Variants in ERICH1 observed in about 807,000 individuals in gnomAD.
ERICH1 encodes the protein glutamate rich 1, also known as glutamate-rich protein 1.
In ERICH1, 56 loss-of-function variants were observed where a neutral mutation model predicts 39.6. The ratio of observed to expected loss-of-function variants is 1.41; its 90% CI spans 1.14 to 1.77. The LOEUF is 1.77. Ranked by LOEUF, ERICH1 falls within the 40% of genes most tolerant of loss-of-function variation. The pLI is 0.00. For missense variants in ERICH1, 826 were observed against 575.4 expected, an observed-to-expected ratio of 1.44 and a Z score of -4.45; for synonymous variants, 313 against 223.6, an observed-to-expected ratio of 1.40 and a Z score of -3.57.
intron 3 of ERICH1, among the ~76,000 whole-genome samples, chr8:682,226 C>T (rs1160355753): frequency 1.3e-5 from 2 of 152,164 alleles, no homozygotes; most frequent in Non-Finnish European, 2.9e-5. Flanking sequence ...CACAACCTCC[C>T]AGCTTCTCAA....
chr8:642,379 C>G lies in ERICH1; in HGVS notation c.976+26219G>C, dbSNP rs540365458. 1.7e-4 allele frequency among the ~76,000 whole-genome samples: 20 copies of G among 120,680 alleles called. No homozygotes were observed. The East Asian group carries it at 5.2e-3, about 31-fold the overall frequency. The allele number at this position is 120,680 out of a possible 152,430, so 79.2% of individuals were successfully genotyped here. On this transcript the variant is annotated intron_variant, in intron 3 of 3. Transcript: ENST00000522706. ...TTTTTTTTTGAGACAGAGTCTCGCT[C>G]TGTCGCCCAGGCTGGAGTGCAGTGG...
intron 2 of ERICH1, among the ~76,000 whole-genome samples, chr8:698,277 G>C (rs1018766021): frequency 6.6e-6 from 1 of 150,630 alleles, no homozygotes; most frequent in African/African-American, 2.4e-5. Flanking sequence ...GGAGTGCAGC[G>C]GCTCGATCTC....
intron 1 of ERICH1, among the ~76,000 whole-genome samples, chr8:730,288 A>T (rs1819676091): frequency 6.6e-6 from 1 of 152,220 alleles, no homozygotes; most frequent in Non-Finnish European, 1.5e-5. Context: ...TTTTCTCCAC[A>T]TTCTGCCTCA....
Position 673,304 on chromosome 8 carries a change from T to C in ERICH1, c.1048A>G (p.Met350Val), listed in dbSNP as rs770444444. ...AAAAACATACCGTCATAAAAATACATTTCCTGTGTTGACTTCAAAAAATTT... is the reference window on the plus strand; with the variant it reads ...AAAAACATACCGTCATAAAAATACACTTCCTGTGTTGACTTCAAAAAATTT... ...ILNFLKSTQEMYFYDGVSRDA... is the reference protein window; with the variant it reads ...ILNFLKSTQEVYFYDGVSRDA... The change falls in exon 4 of 6, where the codon ATG becomes GTG. Residue 350 changes from methionine to valine, a missense_variant. Transcript: ENST00000262109. 1.9e-6 allele frequency: 3 copies of C among 1,604,110 alleles called. No homozygotes were observed. Among genetic ancestry groups the C allele is most frequent in the East Asian group, 2.2e-5 (1 of 44,648 alleles).
At chr8:672,814 T>C (rs1252350775) in intron 4 of ERICH1, among the ~76,000 whole-genome samples, 2 of 152,282 alleles carry the variant, frequency 1.3e-5, no homozygotes, top group African/African-American at 2.4e-5. Flanking sequence ...ATCCGTTCTA[T>C]GTGGAAGAGA....
chr8:700,055 G>T (rs892938861), intron 2 of ERICH1, among the ~76,000 whole-genome samples: 2 of 130,708 alleles, frequency 1.5e-5, no homozygotes, highest in African/African-American at 3.0e-5. Context: ...GCCCGCACAC[G>T]CGCACAGGCC....
At chr8:658,216 G>T (rs895956583) in intron 3 of ERICH1, among the ~76,000 whole-genome samples, 5 of 152,184 alleles carry the variant, frequency 3.3e-5, no homozygotes, top group Non-Finnish European at 7.4e-5. Context: ...GGAACAGGAG[G>T]GCCCAGCCTG....
chr8:624,130 G>A (rs1261702180), intron 3 of ERICH1, among the ~76,000 whole-genome samples: 4 of 152,184 alleles, frequency 2.6e-5, no homozygotes, highest in Admixed American at 1.3e-4. Context: ...TGGCCAATGA[G>A]CGCACGCAAA....
At chr8:724,142 T>C (rs1403567100) in intron 1 of ERICH1, among the ~76,000 whole-genome samples, 3 of 152,166 alleles carry the variant, frequency 2.0e-5, no homozygotes, top group African/African-American at 7.2e-5. Context: ...CGATCTGACA[T>C]GGGATCCTCA....
rs796463056 is a variant in ERICH1 at position 685,172 on chromosome 8, C to G, written c.304+7306G>C. ...TTTTAGAGATCCCCCTCCGTCCCCC[C>G]AGGAATGCATTCTTTTTCCAGGGCT... On this transcript the variant is annotated intron_variant, in intron 3 of 5. Coordinates refer to ENST00000262109, the MANE Select transcript of ERICH1 (RefSeq NM_207332.3). Among the ~76,000 whole-genome samples the G allele has an allele frequency of 3.7e-4, 57 of 152,304 alleles. 1 individual carries two copies. The highest frequency in any genetic ancestry group is 1.3e-3 in the African/African-American group (55 of 41,550).
rs142604677 is a variant in ERICH1 at position 703,559 on chromosome 8, C to A, written c.170-10947G>T. Among the ~76,000 whole-genome samples the A allele has an allele frequency of 1.1e-4, 16 of 152,244 alleles. No individual in the cohort carries two copies. In the East Asian group the frequency reaches 2.9e-3, roughly 28 times the overall value. On this transcript the variant is annotated intron_variant, in intron 2 of 5. Coordinates refer to ENST00000262109, the MANE Select transcript of ERICH1 (RefSeq NM_207332.3). The stretch of plus-strand genomic sequence containing the variant: ...AAAGGCCAGGCCTGGCTCCCAGGAG[C>A]CCCAGGCACCATAACTGAAGGCAAA...
At chr8:716,372 G>A (rs898982933) in intron 1 of ERICH1, among the ~76,000 whole-genome samples, 1 of 152,256 alleles carries the variant, frequency 6.6e-6, no homozygotes, top group African/African-American at 2.4e-5. Context: ...CTGTCAGTGG[G>A]GGCTGTGGTC....
At chr8:712,472 C>T (rs893996228) in intron 2 of ERICH1, among the ~76,000 whole-genome samples, 3 of 152,108 alleles carry the variant, frequency 2.0e-5, no homozygotes, top group Non-Finnish European at 2.9e-5. Context: ...CTCTGTTGCC[C>T]AGGCTGGAGT....
chr8:727,589 G>C (rs994678929), intron 1 of ERICH1, among the ~76,000 whole-genome samples: 11 of 152,236 alleles, frequency 7.2e-5, no homozygotes, highest in African/African-American at 2.4e-4. Flanking sequence ...GCGTGCAGCA[G>C]TCACAGCAAG....
rs145266372 is a variant in ERICH1 at position 673,865 on chromosome 8, T to C, written c.487A>G (p.Arg163Gly). The change falls in exon 4 of 6, where the codon AGG becomes GGG. Residue 163 changes from arginine (R) to glycine (G), a missense_variant. Transcript: ENST00000262109. ...DGTTISKNKK[R>G]KLKKKQQIKR... ...ATTTGCTGTTTCTTTTTCAGTTTCCTTTTTTTATTTTTGCTTATTGTGGTG... is the reference window on the plus strand; with the variant it reads ...ATTTGCTGTTTCTTTTTCAGTTTCCCTTTTTTATTTTTGCTTATTGTGGTG... The C allele has an allele frequency of 2.6e-5, 42 of 1,613,462 alleles. No individual in the cohort carries two copies. The highest frequency in any genetic ancestry group is 3.6e-5 in the Non-Finnish European group (42 of 1,179,982).
At chr8:624,631 A>G (rs336427) in intron 3 of ERICH1, among the ~76,000 whole-genome samples, 122,997 of 152,236 alleles carry the variant, frequency 0.81, 50,344 homozygotes, top group African/African-American at 0.95. Flanking sequence ...GGCAGAAGGT[A>G]AAGGGGAAGC....
At chr8:707,183 T>C (rs1270012773) in intron 2 of ERICH1, among the ~76,000 whole-genome samples, 1 of 149,908 alleles carries the variant, frequency 6.7e-6, no homozygotes, top group East Asian at 2.0e-4. Flanking sequence ...ACCCCACATC[T>C]GTGGCCAACT....
chr8:672,871 C>G (rs1002334206), intron 4 of ERICH1, among the ~76,000 whole-genome samples: 6 of 152,270 alleles, frequency 3.9e-5, no homozygotes, highest in African/African-American at 1.4e-4. Flanking sequence ...CTTCACCTCT[C>G]AGTCTGCTTA....
chr8:715,835 C>T (rs774234634), intron 2 of ERICH1, 26 bp downstream of exon 2: 2 of 1,589,582 alleles, frequency 1.3e-6, no homozygotes, highest in Admixed American at 3.6e-5. Flanking sequence ...TTTCTGAGAC[C>T]CACCCACATC....
Sources: allele counts gnomAD v4.1 joint callset (sites outside exome capture counted in the v4.1 genomes callset), GRCh38; gene constraint gnomAD v4.1.1; transcripts MANE v1.5; gene names NCBI Gene and HGNC (gene_info 2026-07-23, HGNC 2026-07-21).